Variants in OPCML observed in about 807,000 individuals in gnomAD.
OPCML encodes opioid-binding protein/cell adhesion molecule.
A neutral mutation model predicts 37.8 loss-of-function variants in OPCML; 13 were observed. The ratio of observed to expected loss-of-function variants is 0.34; its 90% CI spans 0.22 to 0.55. OPCML has a LOEUF of 0.55. Among genes scored for constraint, OPCML ranks in the 20% least tolerant of loss-of-function variants. The pLI, the probability that OPCML is intolerant of heterozygous loss-of-function variation, is 0.91. For missense variants in OPCML, 341 were observed against 435.6 expected (o/e 0.78, Z 1.93); for synonymous variants, 176 against 168.8 (o/e 1.04, Z -0.33).
intron 2 of OPCML, among the ~76,000 whole-genome samples, chr11:132,890,500 T>C (rs1943597970): frequency 1.3e-5 from 2 of 151,658 alleles, no homozygotes; most frequent in African/African-American, 4.8e-5. Context: ...CACAGAATAA[T>C]TTAAGGGAGG....
At chr11:133,291,740 G>T (rs1376559177) in intron 1 of OPCML, among the ~76,000 whole-genome samples, 1 of 152,190 alleles carries the variant, frequency 6.6e-6, no homozygotes, top group Non-Finnish European at 1.5e-5. Context: ...GGGCATCTGA[G>T]CACAAATTGA....
In OPCML at chr11:133,309,341, T is replaced by G. The variant is rs1210451761; in HGVS notation, c.61+222923A>C. 2.0e-5 allele frequency among the ~76,000 whole-genome samples: 3 copies of G among 152,190 alleles called. No homozygotes were observed. In the East Asian group the frequency reaches 5.8e-4, roughly 29 times the overall value. On this transcript the variant is annotated intron_variant, in intron 1 of 7. Coordinates refer to ENST00000524381, the MANE Select transcript of OPCML (RefSeq NM_001012393.5). ...ATCTCTTTCGTGTCCTTCCCAATAA[T>G]TTATAATCTCATACTAATCATCATG...
intron 2 of OPCML, among the ~76,000 whole-genome samples, chr11:132,914,424 T>C (rs1359198549): frequency 3.3e-5 from 5 of 152,266 alleles, no homozygotes; most frequent in Admixed American, 6.5e-5. Context: ...ATAATATTTA[T>C]GGACTCGTTT....
intron 2 of OPCML, among the ~76,000 whole-genome samples, chr11:132,696,663 G>A (rs769795449): frequency 6.6e-6 from 1 of 152,100 alleles, no homozygotes; most frequent in Non-Finnish European, 1.5e-5. Context: ...GACCATGATG[G>A]AAAGTATGTG....
chr11:132,517,722 T>C (rs1040858847), intron 4 of OPCML, among the ~76,000 whole-genome samples: 1 of 152,220 alleles, frequency 6.6e-6, no homozygotes, highest in Non-Finnish European at 1.5e-5. Context: ...CCTTTCCAAT[T>C]GTAATTTTAC....
At chr11:133,318,040 A>C (rs573989946) in intron 1 of OPCML, among the ~76,000 whole-genome samples, 36 of 152,320 alleles carry the variant, frequency 2.4e-4, no homozygotes, top group African/African-American at 8.7e-4. Context: ...TAAAGCACAG[A>C]GAGGTTGGGT....
chr11:132,490,226 A>G (rs1481983430), intron 4 of OPCML, among the ~76,000 whole-genome samples: 1 of 151,468 alleles, frequency 6.6e-6, no homozygotes, highest in Non-Finnish European at 1.5e-5. Flanking sequence ...GCTATACTGT[A>G]ATCTCTTTTG....
chr11:133,336,187 A>G (rs1943740220), intron 1 of OPCML, among the ~76,000 whole-genome samples: 1 of 152,220 alleles, frequency 6.6e-6, no homozygotes, highest in African/African-American at 2.4e-5. Flanking sequence ...CACAGCGTGC[A>G]GGACAAGAAC....
rs139190352 is a variant in OPCML, at chr11:132,563,587, A to C, written c.380-34401T>G. 2.0e-4 allele frequency among the ~76,000 whole-genome samples: 31 copies of C among 151,874 alleles called. No individual in the cohort carries two copies. In the East Asian group the frequency reaches 4.4e-3, roughly 22 times the overall value. ...GTCACTATATTAATTGTTCATTTTA[A>C]ATTGGTTAATTCTATGTTATACAAA... On this transcript the variant is annotated intron_variant, in intron 3 of 7. Coordinates refer to ENST00000524381, the MANE Select transcript of OPCML (RefSeq NM_001012393.5).
chr11:133,064,294 A>C (rs879406596), intron 1 of OPCML, among the ~76,000 whole-genome samples: 11 of 152,158 alleles, frequency 7.2e-5, no homozygotes, highest in Non-Finnish European at 1.3e-4. Flanking sequence ...TCACTTGTGG[A>C]GCTTTGTCTC....
intron 2 of OPCML, among the ~76,000 whole-genome samples, chr11:132,800,652 C>T (rs1425138872): frequency 1.3e-5 from 2 of 152,080 alleles, no homozygotes; most frequent in Non-Finnish European, 2.9e-5. Flanking sequence ...TTTTGCCTTA[C>T]TAATGAAATG....
intron 3 of OPCML, among the ~76,000 whole-genome samples, chr11:132,638,153 T>C: frequency 1.5e-5 from 1 of 65,628 alleles, no homozygotes; most frequent in South Asian, 6.0e-4. Context: ...CTAAAGAGCA[T>C]ATATACAGAC....
At chr11:132,555,112 C>T (rs553584637) in intron 3 of OPCML, among the ~76,000 whole-genome samples, 2 of 152,020 alleles carry the variant, frequency 1.3e-5, no homozygotes, top group African/African-American at 4.8e-5. Context: ...GATGCTGCAA[C>T]CACAAGGGAA....
chr11:132,809,701 G>C (rs1007520615), intron 2 of OPCML, among the ~76,000 whole-genome samples: 33 of 151,922 alleles, frequency 2.2e-4, no homozygotes, highest in Non-Finnish European at 4.4e-4. Flanking sequence ...TATGATTTAT[G>C]TTAAATTCTA....
In OPCML at chr11:133,316,471, C is replaced by T. The variant is rs530615470; in HGVS notation, c.61+215793G>A. ...GGGAGGGGAACATCACACAGTGGGGCGTGTCAGGGGAGGGAGAGCATTAGG... is the reference window on the plus strand; with the variant it reads ...GGGAGGGGAACATCACACAGTGGGGTGTGTCAGGGGAGGGAGAGCATTAGG... On this transcript the variant is annotated intron_variant, in intron 1 of 7. Transcript: ENST00000524381. Among the ~76,000 whole-genome samples, 5 of 152,056 alleles carry T rather than the reference C, an allele frequency of 3.3e-5. No individual in the cohort carries two copies. In the South Asian group the frequency reaches 6.2e-4, roughly 19 times the overall value.
intron 3 of OPCML, among the ~76,000 whole-genome samples, chr11:132,611,128 G>A (rs749614587): frequency 3.9e-5 from 6 of 152,204 alleles, no homozygotes; most frequent in Non-Finnish European, 5.9e-5. Flanking sequence ...TGGTTTTCAC[G>A]TATAAAGTTT....
chr11:133,236,609 G>A (rs1396569667), intron 1 of OPCML, among the ~76,000 whole-genome samples: 1 of 152,152 alleles, frequency 6.6e-6, no homozygotes, highest in Non-Finnish European at 1.5e-5. Flanking sequence ...CCTGCTAGCC[G>A]TAATAAAGAA....
rs1939221940 is a variant in OPCML, at chr11:133,208,671, A to G, written c.62-265661T>C. Among the ~76,000 whole-genome samples, 1 of 152,106 alleles carries G rather than the reference A, an allele frequency of 6.6e-6. No individual in the cohort carries two copies. The highest frequency in any genetic ancestry group is 2.4e-5 in the African/African-American group (1 of 41,422). On this transcript the variant is annotated intron_variant, in intron 1 of 7. Coordinates refer to ENST00000524381, the MANE Select transcript of OPCML (RefSeq NM_001012393.5). This position sits in a 1 kb window ranked among gnomAD's most constrained non-coding sequence, Gnocchi z 8.9. ...GCTGTTAAGCTTCATGCACCTTCTCATGTCCATTTACTGAAGGAATTTCTA... is the reference window on the plus strand; with the variant it reads ...GCTGTTAAGCTTCATGCACCTTCTCGTGTCCATTTACTGAAGGAATTTCTA...
rs138515750 is a variant in OPCML at position 132,456,717 on chromosome 11, T to C, written c.506-19358A>G. 2.6e-3 allele frequency among the ~76,000 whole-genome samples: 401 copies of C among 152,374 alleles called. 5 individuals are homozygous for C. Among genetic ancestry groups the C allele is most frequent in the Admixed American group, 0.024 (364 of 15,310 alleles). Reference sequence around the variant, plus strand: ...GCAGTAGTGAACACGTAAAGTGCATTGGACTTGTCAGAGGAAGTTATCAAA... The same window carrying C: ...GCAGTAGTGAACACGTAAAGTGCATCGGACTTGTCAGAGGAAGTTATCAAA... On this transcript the variant is annotated intron_variant, in intron 4 of 7. Coordinates refer to ENST00000524381, the MANE Select transcript of OPCML (RefSeq NM_001012393.5).
Sources: gnomAD v4.1 joint callset for allele counts (sites outside exome capture counted in the v4.1 genomes callset) on GRCh38, gnomAD v4.1.1 for gene constraint, Gnocchi (gnomAD v3.1) non-coding constraint, MANE v1.5 for transcripts, NCBI Gene and HGNC (gene_info 2026-07-23, HGNC 2026-07-21) for gene names.